SV2B: variants seen among roughly 807,000 people sequenced by gnomAD.
The protein encoded by SV2B is synaptic vesicle glycoprotein 2B, also known as solute carrier family 22 member B2.
A neutral mutation model predicts 73.9 loss-of-function variants in SV2B; 41 were observed. The observed-to-expected ratio is 0.56, with a 90% confidence interval of 0.43 to 0.72. The LOEUF is 0.72. SV2B is among the 30% of genes least tolerant of loss of function. SV2B has a pLI of 0.00. For synonymous variants in SV2B, 314 were observed against 314.2 expected, an observed-to-expected ratio of 1.00 and a Z score of 0.01; for missense variants, 764 against 857.8, an observed-to-expected ratio of 0.89 and a Z score of 1.37.
At chr15:91,237,808 T>G (rs1222645534) in intron 2 of SV2B, among the ~76,000 whole-genome samples, 3 of 152,232 alleles carry the variant, frequency 2.0e-5, no homozygotes, top group African/African-American at 7.2e-5. Context: ...TTTGGAATAT[T>G]TGCACATATC....
rs1000162769 is a variant in SV2B at position 91,296,051 on chromosome 15, G to A, written c.*3499G>A. ...TCCCTCTTATTTTTTTTTCTTTGAG[G>A]AGTGTACCAATTTTTTATCTTTATA... On this transcript the variant is annotated 3_prime_UTR_variant, in exon 13 of 13. Coordinates refer to ENST00000394232, the MANE Select transcript of SV2B (RefSeq NM_001323032.3). 2.0e-5 allele frequency: 3 copies of A among 152,022 alleles called. No homozygotes were observed. The highest frequency in any genetic ancestry group is 4.8e-5 in the African/African-American group (2 of 41,384). 9.4% of individuals were successfully genotyped at this position (152,022 alleles called of 1,614,324 possible).
chr15:91,105,720 C>A lies in SV2B; in HGVS notation c.-392+5357C>A, dbSNP rs547834383. On this transcript the variant is annotated intron_variant, in intron 1 of 12. Transcript: ENST00000394232. The surrounding 1 kb of genome is among the most constrained non-coding windows in gnomAD (Gnocchi z 5.5). ...AACAGGGAGATTAGTCAGGATGGTA[C>A]TGCAGTGACCCAGGTGAGAGAGGGT... 6.6e-6 allele frequency among the ~76,000 whole-genome samples: 1 copy of A among 152,282 alleles called. No individual in the cohort carries two copies. The highest frequency in any genetic ancestry group is 1.5e-5 in the Non-Finnish European group (1 of 68,022).
intron 9 of SV2B, among the ~76,000 whole-genome samples, chr15:91,273,804 C>T (rs2048394064): frequency 6.6e-6 from 1 of 152,208 alleles, no homozygotes; most frequent in African/African-American, 2.4e-5. Flanking sequence ...TAATATTCTT[C>T]TCCCTCGCCG....
At position 91,226,175 on chromosome 15, in the gene SV2B, T is replaced by A; in HGVS notation, c.-89T>A. The A allele has an allele frequency of 2.4e-6, 3 of 1,264,080 alleles. No individual in the cohort carries two copies. In the East Asian group the frequency reaches 7.3e-5, roughly 31 times the overall value. The allele number at this position is 1,264,080 out of a possible 1,614,324, so 78.3% of individuals were successfully genotyped here. ...CATATTTCACATTTGAACTACATAA[T>A]GAATGATGGTTATTGAAATAGCCCA... On this transcript the variant is annotated 5_prime_UTR_variant, in exon 2 of 13. An upstream start codon of the reference 5' UTR is lost. Coordinates refer to ENST00000394232, the MANE Select transcript of SV2B (RefSeq NM_001323032.3).
In SV2B at chr15:91,110,715, G is replaced by A. The variant is rs951258098; in HGVS notation, c.-392+10352G>A. Among the ~76,000 whole-genome samples the A allele has an allele frequency of 7.2e-5, 11 of 152,174 alleles. No homozygotes were observed. The highest frequency in any genetic ancestry group is 3.3e-4 in the Admixed American group (5 of 15,278). ...GGGCTGGAAAGGTCATGGGAATGTCGGGAGCCTCTGCCCTTGACCCTGGAG... is the reference window on the plus strand; with the variant it reads ...GGGCTGGAAAGGTCATGGGAATGTCAGGAGCCTCTGCCCTTGACCCTGGAG... On this transcript the variant is annotated intron_variant, in intron 1 of 12. Transcript: ENST00000394232. This position sits in a 1 kb window ranked among gnomAD's most constrained non-coding sequence, Gnocchi z 5.4.
At chr15:91,200,686 TC>T (rs1194672619) in intron 1 of SV2B, among the ~76,000 whole-genome samples, 1 of 151,952 alleles carries the variant, frequency 6.6e-6, no homozygotes, top group Non-Finnish European at 1.5e-5. Flanking sequence ...AGACAAGAGG[TC>T]CGCTTGAGTC....
At position 91,252,296 on chromosome 15, in the gene SV2B, G is replaced by T. The variant is rs1392084789; in HGVS notation, c.633-73G>T. On this transcript the variant is annotated intron_variant, in intron 3 of 12. Transcript: ENST00000394232. This position sits in a 1 kb window ranked among gnomAD's most constrained non-coding sequence, Gnocchi z 4.6. ...CCACAGAGCCTAAGGTGGGGTATAG[G>T]CAACTTGGTTTCTGCTGTGACCATT... The T allele has an allele frequency of 1.3e-6, 2 of 1,540,002 alleles. No homozygotes were observed. Among genetic ancestry groups the T allele is most frequent in the East Asian group, 2.3e-5 (1 of 44,012 alleles).
At chr15:91,291,802 C>T (rs1037039238) in intron 12 of SV2B, among the ~76,000 whole-genome samples, 1 of 152,162 alleles carries the variant, frequency 6.6e-6, no homozygotes, top group African/African-American at 2.4e-5. Flanking sequence ...GAGCAAAAGG[C>T]CCACCCGCAA....
rs528347430 is a variant in SV2B, at chr15:91,140,014, A to G, written c.-392+39651A>G. On this transcript the variant is annotated intron_variant, in intron 1 of 12. Transcript: ENST00000394232. The surrounding 1 kb of genome is among the most constrained non-coding windows in gnomAD (Gnocchi z 4.4). Reference sequence around the variant, plus strand: ...CTCAAAGTGTGGTCCTTGGACCAGTAGCATCCGCATCACCTGGGAGCTTGC... The same window carrying G: ...CTCAAAGTGTGGTCCTTGGACCAGTGGCATCCGCATCACCTGGGAGCTTGC... Among the ~76,000 whole-genome samples the G allele has an allele frequency of 1.3e-5, 2 of 152,284 alleles. No homozygotes were observed. Among genetic ancestry groups the G allele is most frequent in the South Asian group, 4.2e-4 (2 of 4,810 alleles).
rs558931064 is a variant in SV2B at position 91,136,288 on chromosome 15, A to G, written c.-392+35925A>G. 6.6e-6 allele frequency among the ~76,000 whole-genome samples: 1 copy of G among 152,166 alleles called. No individual in the cohort carries two copies. Among genetic ancestry groups the G allele is most frequent in the Non-Finnish European group, 1.5e-5 (1 of 68,026 alleles). ...AGGTATAAACCTCAGATTAGTCGGG[A>G]GAGAGCGGCCGACCTCAGCAGGTTG... On this transcript the variant is annotated intron_variant, in intron 1 of 12. Coordinates refer to ENST00000394232, the MANE Select transcript of SV2B (RefSeq NM_001323032.3). The surrounding 1 kb of genome is among the most constrained non-coding windows in gnomAD (Gnocchi z 5.6).
chr15:91,252,138 T>C lies in SV2B; in HGVS notation c.632+139T>C, dbSNP rs1269188139. 7 of 1,263,404 alleles carry C rather than the reference T, an allele frequency of 5.5e-6. No individual in the cohort carries two copies. The East Asian group carries it at 7.3e-5, about 13-fold the overall frequency. The allele number at this position is 1,263,404 out of a possible 1,614,324, so 78.3% of individuals were successfully genotyped here. A position where few individuals can be genotyped will look rare whatever the true frequency, so the allele number is the denominator to read the frequency against. On this transcript the variant is annotated intron_variant, in intron 3 of 12. Transcript: ENST00000394232. This position sits in a 1 kb window ranked among gnomAD's most constrained non-coding sequence, Gnocchi z 4.6. ...TGACTTTCAGGATACTATATTAAAGTTGAACCTTAGAAAGAGTTAGGGTTA... is the reference window on the plus strand; with the variant it reads ...TGACTTTCAGGATACTATATTAAAGCTGAACCTTAGAAAGAGTTAGGGTTA...
At position 91,175,933 on chromosome 15, in the gene SV2B, C is replaced by T. The variant is rs530943735; in HGVS notation, c.-391-49940C>T. ...CTTTAAGTTTTAGGGTACATGTGCA[C>T]AATATGCAGGTTAGTTACATATGTA... On this transcript the variant is annotated intron_variant, in intron 1 of 12. Coordinates refer to ENST00000394232, the MANE Select transcript of SV2B (RefSeq NM_001323032.3). 6.0e-3 allele frequency among the ~76,000 whole-genome samples: 903 copies of T among 151,700 alleles called. 8 individuals are homozygous for T. Among genetic ancestry groups the T allele is most frequent in the Non-Finnish European group, 0.011 (760 of 67,946 alleles).
chr15:91,228,485 T>A (rs1317737259), intron 2 of SV2B, among the ~76,000 whole-genome samples: 1 of 152,224 alleles, frequency 6.6e-6, no homozygotes, highest in Non-Finnish European at 1.5e-5. Context: ...GACATTAATT[T>A]GTTTTGCAGT....
At position 91,265,396 on chromosome 15, in the gene SV2B, C is replaced by T. The variant is rs1567410785; in HGVS notation, c.1009-1186C>T. Among the ~76,000 whole-genome samples the T allele has an allele frequency of 6.6e-6, 1 of 152,172 alleles. No homozygotes were observed. The highest frequency in any genetic ancestry group is 2.4e-5 in the African/African-American group (1 of 41,430). ...ATCATAGACAATTGTTCTAATGAAT[C>T]GTAAATTAGAGTGAGTAATTATGCT... On this transcript the variant is annotated intron_variant, in intron 6 of 12. Coordinates refer to ENST00000394232, the MANE Select transcript of SV2B (RefSeq NM_001323032.3). The surrounding 1 kb of genome is among the most constrained non-coding windows in gnomAD (Gnocchi z 4.2).
intron 1 of SV2B, among the ~76,000 whole-genome samples, chr15:91,117,083 A>G (rs1025497243): frequency 6.6e-6 from 1 of 152,188 alleles, no homozygotes; most frequent in Non-Finnish European, 1.5e-5. Context: ...AATAGTCACA[A>G]TGGTTTTGAG....
chr15:91,168,994 A>G (rs926052284), intron 1 of SV2B, among the ~76,000 whole-genome samples: 2 of 152,176 alleles, frequency 1.3e-5, no homozygotes, highest in African/African-American at 4.8e-5. Flanking sequence ...GAATTCCCCT[A>G]GTTAGTCCAG....
rs1292621150 is a variant in SV2B, at chr15:91,293,819, A to C, written c.*1267A>C. On this transcript the variant is annotated 3_prime_UTR_variant, in exon 13 of 13. Transcript: ENST00000394232. ...AACAGAGTCCATTGGAGTGGGAGTT[A>C]GGGAGTGTAGTGGATGCCAAATATG... is the stretch of plus-strand genomic sequence containing the variant. The C allele has an allele frequency of 6.6e-6, 1 of 152,234 alleles. No individual in the cohort carries two copies. Among genetic ancestry groups the C allele is most frequent in the East Asian group, 1.9e-4 (1 of 5,198 alleles). The allele number at this position is 152,234 out of a possible 1,614,324, so 9.4% of individuals were successfully genotyped here. A position where few individuals can be genotyped will look rare whatever the true frequency, so the allele number is the denominator to read the frequency against.
At chr15:91,103,244 A>C (rs1162700921) in intron 1 of SV2B, among the ~76,000 whole-genome samples, 1 of 152,200 alleles carries the variant, frequency 6.6e-6, no homozygotes, top group Non-Finnish European at 1.5e-5. Flanking sequence ...AAGCACAGGA[A>C]TTAAGGACAC....
chr15:91,226,596 C>G lies in SV2B; in HGVS notation c.333C>G (p.Leu111=), dbSNP rs140731264. 8.7e-6 allele frequency: 14 copies of G among 1,614,102 alleles called. No homozygotes were observed. The African/African-American group carries it at 1.7e-4, about 20-fold the overall frequency. The stretch of plus-strand genomic sequence containing the variant: ...GCCATGGCCGCTTCCAGTGGATCCT[C>G]TTTTTCGTCTTGGGTTTGGCCCTGA... The part of the protein sequence containing the change: ...ECGHGRFQWI[L]FFVLGLALMA... Residue 111 remains leucine (L), a synonymous_variant, in exon 2 of 13, where the codon CTC becomes CTG. Coordinates refer to ENST00000394232, the MANE Select transcript of SV2B (RefSeq NM_001323032.3).
Sources: gnomAD v4.1 joint callset for allele counts (sites outside exome capture counted in the v4.1 genomes callset) on GRCh38, gnomAD v4.1.1 for gene constraint, Gnocchi (gnomAD v3.1) non-coding constraint, MANE v1.5 for transcripts, NCBI Gene and HGNC (gene_info 2026-07-23, HGNC 2026-07-21) for gene names.